The following CELA3B variants were observed in gnomAD, a reference collection of about 807,000 sequenced individuals.
CELA3B encodes chymotrypsin like elastase 3B.
A neutral mutation model predicts 37.2 loss-of-function variants in CELA3B; 34 were observed. The ratio of observed to expected loss-of-function variants is 0.91; its 90% CI spans 0.70 to 1.22. The LOEUF (loss-of-function observed/expected upper bound fraction) is 1.22, where lower values mean the gene tolerates loss of function less well. Among genes scored for constraint, CELA3B ranks in the 50% most tolerant of loss-of-function variants. CELA3B has a pLI of 0.00. For missense variants in CELA3B, 340 were observed against 363.1 expected, an observed-to-expected ratio of 0.94 and a Z score of 0.52; for synonymous variants, 127 against 143.5, an observed-to-expected ratio of 0.89 and a Z score of 0.82.
downstream of CELA3B, chr1:21,989,498 G>C: frequency 4.2e-6 from 2 of 476,420 alleles, no homozygotes; most frequent in African/African-American, 2.1e-5. Flanking sequence ...GAAGGGAGTT[G>C]CTGTGCGGTG....
chr1:21,981,997 T>C (rs1321533662), intron 4 of CELA3B, among the ~76,000 whole-genome samples: 2 of 152,114 alleles, frequency 1.3e-5, no homozygotes, highest in Non-Finnish European at 2.9e-5. Context: ...AGTGCTAGGA[T>C]TACAGGCATG....
At chr1:21,994,700 T>G (rs1644882857) in intron 4 of CELA3B, among the ~76,000 whole-genome samples, 1 of 150,984 alleles carries the variant, frequency 6.6e-6, no homozygotes, top group African/African-American at 2.5e-5. Flanking sequence ...CCTGTGAGAC[T>G]GTACATTTCC....
chr1:21,998,006 T>C (rs1426973105), intron 4 of CELA3B: 2 of 391,976 alleles, frequency 5.1e-6, no homozygotes, highest in Non-Finnish European at 1.1e-5. Flanking sequence ...TATAAAACAA[T>C]GTAGTTAAGG....
intron 4 of CELA3B, among the ~76,000 whole-genome samples, chr1:21,982,093 A>C (rs1189900170): frequency 6.6e-6 from 1 of 152,158 alleles, no homozygotes; most frequent in African/African-American, 2.4e-5. Flanking sequence ...GAGAGGGTCA[A>C]AGACGGGTGC....
intron 6 of CELA3B, among the ~76,000 whole-genome samples, chr1:21,984,811 G>A: frequency 6.6e-6 from 1 of 152,032 alleles, no homozygotes. Flanking sequence ...GCCAGGCATG[G>A]TGGCCGGTGC....
rs530865426 is a variant in CELA3B, at chr1:21,994,659, A to G, written c.505-3492A>G. Among the ~76,000 whole-genome samples, 51 of 151,048 alleles carry G rather than the reference A, an allele frequency of 3.4e-4. 2 individuals carry two copies. The East Asian group carries it at 7.7e-3, about 23-fold the overall frequency. Reference sequence around the variant, plus strand: ...CCTGAGCTCGGGTGCATCTCTCTTCAGCTCCCCTGCCTCTCCACTTAAAGT... The same window carrying G: ...CCTGAGCTCGGGTGCATCTCTCTTCGGCTCCCCTGCCTCTCCACTTAAAGT... On this transcript the variant is annotated intron_variant, in intron 4 of 4. Coordinates refer to the CELA3B transcript ENST00000400277.
At chr1:21,978,537 C>T in intron 2 of CELA3B, 83 bp downstream of exon 2, 12 of 1,503,186 alleles carry the variant, frequency 8.0e-6, no homozygotes, top group Non-Finnish European at 1.1e-5. Context: ...GCCTTGACAC[C>T]ATTGCTCCCT....
chr1:21,993,120 T>A (rs1183343110), downstream of CELA3B, among the ~76,000 whole-genome samples: 1 of 151,366 alleles, frequency 6.6e-6, no homozygotes, highest in African/African-American at 2.4e-5. Context: ...ATACCAAGGA[T>A]AATTTTCTTT....
chr1:21,988,707 A>C (rs1305526496), intron 7 of CELA3B, among the ~76,000 whole-genome samples: 2 of 151,592 alleles, frequency 1.3e-5, no homozygotes, highest in East Asian at 1.9e-4. Context: ...CTGGCTAACA[A>C]GGTGAAACCC....
At position 21,981,037 on chromosome 1, in the gene CELA3B, G is replaced by T; in HGVS notation, c.228-1G>T. On this transcript the variant is annotated splice_acceptor_variant, in intron 3 of 7. Transcript: ENST00000337107. LOFTEE classifies it high-confidence loss of function. Reference sequence around the variant, plus strand: ...CAGACTGACCTCACCTCCGCCCGCAGGAGCTCCCGGACCTACCAGGTGGTG... The same window carrying T: ...CAGACTGACCTCACCTCCGCCCGCATGAGCTCCCGGACCTACCAGGTGGTG... 4.3e-6 allele frequency: 7 copies of T among 1,614,102 alleles called. No individual in the cohort carries two copies. Among genetic ancestry groups the T allele is most frequent in the Non-Finnish European group, 5.9e-6 (7 of 1,180,000 alleles).
Position 21,994,870 on chromosome 1 carries a change from T to A in CELA3B, c.505-3281T>A, listed in dbSNP as rs572980784. 3.1e-4 allele frequency among the ~76,000 whole-genome samples: 47 copies of A among 150,068 alleles called. 3 individuals carry two copies. The highest frequency in any genetic ancestry group is 1.0e-3 in the South Asian group (5 of 4,766). On this transcript the variant is annotated intron_variant, in intron 4 of 4. Coordinates refer to the CELA3B transcript ENST00000400277. Reference sequence around the variant, plus strand: ...TTTTAAAATTAGCTGGGCGTGGTGGTGCGTGCCTGCAGTCCCAGCGACTCG... The same window carrying A: ...TTTTAAAATTAGCTGGGCGTGGTGGAGCGTGCCTGCAGTCCCAGCGACTCG...
intron 4 of CELA3B, among the ~76,000 whole-genome samples, chr1:21,981,881 A>G (rs1557864949): frequency 6.6e-6 from 1 of 151,796 alleles, no homozygotes; most frequent in Non-Finnish European, 1.5e-5. Context: ...GCCCGCCACC[A>G]CGCCTGGCTA....
chr1:21,983,691 C>T lies in CELA3B; in HGVS notation c.363-3C>T, dbSNP rs1189812161. 1.2e-6 allele frequency: 2 copies of T among 1,613,610 alleles called. No homozygotes were observed. The highest frequency in any genetic ancestry group is 3.3e-4 in the Middle Eastern group (2 of 6,060). On this transcript the variant is annotated splice_polypyrimidine_tract_variant and splice_region_variant and intron_variant, in intron 4 of 7. Coordinates refer to ENST00000337107, the MANE Select transcript of CELA3B (RefSeq NM_007352.4). Reference sequence around the variant, plus strand: ...GGCCCCGTGACTGTTCCCTCCTCCCCAGCAATGACATCGCCCTCATCAAGC... The same window carrying T: ...GGCCCCGTGACTGTTCCCTCCTCCCTAGCAATGACATCGCCCTCATCAAGC...
chr1:21,980,941 C>T lies in CELA3B; in HGVS notation c.227+20C>T, dbSNP rs1230917386. ...CATCTCGTGAGTTCTCTACCCTGTCCCTGCCTGTGGCCCCGGGCAGCTGGG... is the reference window on the plus strand; with the variant it reads ...CATCTCGTGAGTTCTCTACCCTGTCTCTGCCTGTGGCCCCGGGCAGCTGGG... On this transcript the variant is annotated intron_variant, in intron 3 of 7. Coordinates refer to ENST00000337107, the MANE Select transcript of CELA3B (RefSeq NM_007352.4). The T allele has an allele frequency of 1.9e-6, 3 of 1,613,964 alleles. No homozygotes were observed. The highest frequency in any genetic ancestry group is 2.5e-6 in the Non-Finnish European group (3 of 1,179,990).
Position 21,981,103 on chromosome 1 carries a change from A to T in CELA3B, c.293A>T (p.Gln98Leu). 1 of 1,613,562 alleles carries T rather than the reference A, an allele frequency of 6.2e-7. No homozygotes were observed. The highest frequency in any genetic ancestry group is 1.1e-5 in the South Asian group (1 of 91,062). Residue 98 changes from glutamine to leucine, a missense_variant, in exon 4 of 8, where the codon CAG becomes CTG. Transcript: ENST00000337107. Reference protein sequence around the residue: ...YDRAVKEGPEQVIPINSGDLF... With the variant: ...YDRAVKEGPELVIPINSGDLF... Reference sequence around the variant, plus strand: ...CGTGCTGTGAAGGAGGGCCCCGAGCAGGTGATCCCCATCAACTCTGGGGAC... The same window carrying T: ...CGTGCTGTGAAGGAGGGCCCCGAGCTGGTGATCCCCATCAACTCTGGGGAC...
chr1:21,991,938 G>A (rs543062734), downstream of CELA3B, among the ~76,000 whole-genome samples: 3 of 150,712 alleles, frequency 2.0e-5, 1 homozygote, highest in Non-Finnish European at 4.4e-5. Context: ...TGGCCAACAT[G>A]GTGAAGCCCC....
At chr1:21,977,264 G>C (rs575464505) in intron 1 of CELA3B, among the ~76,000 whole-genome samples, 182 bp downstream of exon 1, 2 of 152,118 alleles carry the variant, frequency 1.3e-5, no homozygotes, top group East Asian at 3.8e-4. Context: ...AGAGTGGAGG[G>C]GAAGCCGTGG....
intron 5 of CELA3B, among the ~76,000 whole-genome samples, 158 bp downstream of exon 5, chr1:21,983,988 G>A (rs1644822289): frequency 6.6e-6 from 1 of 152,314 alleles, no homozygotes; most frequent in African/African-American, 2.4e-5. Context: ...ACACGAATGT[G>A]GTCAATTGCA....
At chr1:21,992,915 T>C (rs1358549543), downstream of CELA3B, among the ~76,000 whole-genome samples, 4 of 148,334 alleles carry the variant, frequency 2.7e-5, no homozygotes, top group Non-Finnish European at 6.0e-5. Context: ...CAGTGAGCTG[T>C]GATTGCACCA....
Sources: gnomAD v4.1 joint callset for allele counts (sites outside exome capture counted in the v4.1 genomes callset) on GRCh38, gnomAD v4.1.1 for gene constraint, MANE v1.5 for transcripts, NCBI Gene and HGNC (gene_info 2026-07-23, HGNC 2026-07-21) for gene names.